FAM219A: variants seen among roughly 807,000 people sequenced by gnomAD.
FAM219A encodes the protein protein FAM219A.
A neutral mutation model predicts 23.4 loss-of-function variants in FAM219A; 7 were observed. The ratio of observed to expected loss-of-function variants is 0.30; its 90% confidence interval spans 0.17 to 0.56. The LOEUF is 0.56. FAM219A is among the 20% of genes least tolerant of loss of function. The pLI is 0.92. For synonymous variants in FAM219A, 93 were observed against 99.0 expected (o/e 0.94, Z 0.36); for missense variants, 166 against 246.9 (o/e 0.67, Z 2.20).
intron 1 of FAM219A, among the ~76,000 whole-genome samples, chr9:34,451,230 G>A (rs1310561437): frequency 6.6e-6 from 1 of 152,140 alleles, no homozygotes; most frequent in Non-Finnish European, 1.5e-5. Flanking sequence ...CCCACAGTGA[G>A]GCCTGTGGAT....
Position 34,422,493 on chromosome 9 carries a change from G to T in FAM219A, c.61-16529C>A, listed in dbSNP as rs147444369. On this transcript the variant is annotated intron_variant, in intron 1 of 5. Coordinates refer to ENST00000651358, the MANE Select transcript of FAM219A (RefSeq NM_001184940.2). ...CCAGAACTTACACCTCTGTGGGACTGTTGTCTTGCAAAGCAGTCACTTGGA... is the reference window on the plus strand; with the variant it reads ...CCAGAACTTACACCTCTGTGGGACTTTTGTCTTGCAAAGCAGTCACTTGGA... 3.2e-3 allele frequency among the ~76,000 whole-genome samples: 487 copies of T among 152,308 alleles called. 4 individuals are homozygous for T. The highest frequency in any genetic ancestry group is 0.011 in the African/African-American group (469 of 41,568).
At chr9:34,401,567 CCT>C (rs901263879) in intron 5 of FAM219A, 97 bp downstream of exon 5, 2 of 1,394,194 alleles carry the variant, frequency 1.4e-6, no homozygotes, top group Admixed American at 2.0e-5. Flanking sequence ...CTTGCCCAGC[CCT>C]CTTTTTCCTT....
chr9:34,455,104 G>A (rs1198383226), intron 1 of FAM219A, among the ~76,000 whole-genome samples: 1 of 152,208 alleles, frequency 6.6e-6, no homozygotes, highest in African/African-American at 2.4e-5. Flanking sequence ...CTGTGTCTGT[G>A]TTGCTAACCA....
At chr9:34,403,000 T>TG (rs1563997367) in intron 2 of FAM219A, among the ~76,000 whole-genome samples, 193 bp from the exon 3 acceptor site, 1 of 152,162 alleles carries the variant, frequency 6.6e-6, no homozygotes, top group Admixed American at 6.5e-5. Flanking sequence ...AGGCAGACAG[T>TG]GGGGGGCAAA....
At position 34,400,760 on chromosome 9, in the gene FAM219A, A is replaced by G. The variant is rs1007942548; in HGVS notation, c.*204T>C. On this transcript the variant is annotated 3_prime_UTR_variant, in exon 6 of 6. Coordinates refer to ENST00000651358, the MANE Select transcript of FAM219A (RefSeq NM_001184940.2). The stretch of plus-strand genomic sequence containing the variant: ...CCCTCCTCAGCTCCCGGGTGGAGAG[A>G]GACCCAGTTTTGGTTTCTCCAGCTC... 5 of 482,548 alleles carry G rather than the reference A, an allele frequency of 1.0e-5. No individual in the cohort carries two copies. 29.9% of individuals were successfully genotyped at this position (482,548 alleles called of 1,614,324 possible). A position where few individuals can be genotyped will look rare whatever the true frequency, so the allele number is the denominator to read the frequency against.
chr9:34,425,243 G>A (rs1254075031), intron 1 of FAM219A, among the ~76,000 whole-genome samples: 8 of 152,198 alleles, frequency 5.3e-5, no homozygotes, highest in African/African-American at 1.7e-4. Context: ...ACTTTGGGGG[G>A]CCAAGGCAGG....
chr9:34,407,303 A>G (rs543635191), intron 1 of FAM219A, among the ~76,000 whole-genome samples: 2 of 152,264 alleles, frequency 1.3e-5, no homozygotes, highest in African/African-American at 4.8e-5. Context: ...TTTCATTTAT[A>G]TATCAGCCTG....
chr9:34,453,677 G>A (rs1823639008), intron 1 of FAM219A, among the ~76,000 whole-genome samples: 1 of 152,218 alleles, frequency 6.6e-6, no homozygotes. Context: ...CAGCTGTGCA[G>A]AGACCCTATC....
At position 34,398,532 on chromosome 9, in the gene FAM219A, A is replaced by G; in HGVS notation, c.*2432T>C. On this transcript the variant is annotated 3_prime_UTR_variant, in exon 6 of 6. Coordinates refer to ENST00000651358, the MANE Select transcript of FAM219A (RefSeq NM_001184940.2). ...AGCTTCCTGCCTCTCTCTGCCACAC[A>G]TGCACTGCCTCAGTTGGAAGCCCTT... 1 of 680,860 alleles carries G rather than the reference A, an allele frequency of 1.5e-6. No homozygotes were observed. The highest frequency in any genetic ancestry group is 2.5e-6 in the Non-Finnish European group (1 of 403,986). The allele number at this position is 680,860 out of a possible 1,614,324, so 42.2% of individuals were successfully genotyped here. A position where few individuals can be genotyped will look rare whatever the true frequency, so the allele number is the denominator to read the frequency against.
intron 1 of FAM219A, among the ~76,000 whole-genome samples, chr9:34,449,313 A>G (rs1823482506): frequency 6.6e-6 from 1 of 152,250 alleles, no homozygotes; most frequent in African/African-American, 2.4e-5. Flanking sequence ...AAAAAACAGT[A>G]AAGTACTAAA....
rs1821304025 is a variant in FAM219A, at chr9:34,398,537, C to G, written c.*2427G>C. ...CCTGCCTCTCTCTGCCACACATGCACTGCCTCAGTTGGAAGCCCTTGCCTG... is the reference window on the plus strand; with the variant it reads ...CCTGCCTCTCTCTGCCACACATGCAGTGCCTCAGTTGGAAGCCCTTGCCTG... On this transcript the variant is annotated 3_prime_UTR_variant, in exon 6 of 6. Transcript: ENST00000651358. 1.5e-6 allele frequency: 1 copy of G among 672,182 alleles called. No homozygotes were observed. The highest frequency in any genetic ancestry group is 2.8e-5 in the Admixed American group (1 of 35,688). 41.6% of individuals were successfully genotyped at this position (672,182 alleles called of 1,614,324 possible).
intron 2 of FAM219A, among the ~76,000 whole-genome samples, chr9:34,403,985 T>C (rs997580554): frequency 6.6e-6 from 1 of 152,102 alleles, no homozygotes; most frequent in Admixed American, 6.6e-5. Flanking sequence ...CTCTAGGGGG[T>C]GCAATTTGCC....
Position 34,421,009 on chromosome 9 carries a change from T to TGTGAGAGA in FAM219A, c.61-15046_61-15045insTCTCTCAC, listed in dbSNP as rs1554677406. ...GTGTGTGTATGTGTGTGTGTGTGTG[T>TGTGAGAGA]GAGAGAGAGAGAGAGAGAGAGAGAG... On this transcript the variant is annotated intron_variant, in intron 1 of 5. Coordinates refer to ENST00000651358, the MANE Select transcript of FAM219A (RefSeq NM_001184940.2). Among the ~76,000 whole-genome samples, 339 of 86,422 alleles carry TGTGAGAGA rather than the reference T, an allele frequency of 3.9e-3. 2 individuals carry two copies. Among genetic ancestry groups the TGTGAGAGA allele is most frequent in the East Asian group, 0.032 (107 of 3,378 alleles). The allele number at this position is 86,422 out of a possible 152,430, so 56.7% of individuals were successfully genotyped here.
intron 1 of FAM219A, among the ~76,000 whole-genome samples, chr9:34,413,645 A>G (rs779403088): frequency 1.6e-4 from 24 of 152,250 alleles, no homozygotes; most frequent in Non-Finnish European, 1.8e-4. Context: ...CACAGAACAC[A>G]GAAGAATTTT....
intron 1 of FAM219A, among the ~76,000 whole-genome samples, chr9:34,415,511 A>C (rs1821969584): frequency 6.6e-6 from 1 of 152,248 alleles, no homozygotes; most frequent in Non-Finnish European, 1.5e-5. Flanking sequence ...ATACATGCTA[A>C]AATTTTAACA....
intron 2 of FAM219A, 22 bp downstream of exon 2, chr9:34,405,843 C>T (rs1272596630): frequency 6.2e-7 from 1 of 1,612,122 alleles, no homozygotes; most frequent in African/African-American, 1.3e-5. Flanking sequence ...CCACATCTCC[C>T]TCACCCCCCA....
intron 1 of FAM219A, among the ~76,000 whole-genome samples, chr9:34,434,165 G>C (rs1822818218): frequency 7.7e-6 from 1 of 129,318 alleles, no homozygotes; most frequent in Admixed American, 9.6e-5. Flanking sequence ...TCGCGCCACT[G>C]CACTCCAGCC....
rs189345241 is a variant in FAM219A, at chr9:34,422,401, T to C, written c.61-16437A>G. ...CACCTGGTAGGCAATTTGAATCTAATTTCCTCATCTCTCTTACCCCAGCCC... is the reference window on the plus strand; with the variant it reads ...CACCTGGTAGGCAATTTGAATCTAACTTCCTCATCTCTCTTACCCCAGCCC... On this transcript the variant is annotated intron_variant, in intron 1 of 5. Transcript: ENST00000651358. Among the ~76,000 whole-genome samples, 650 of 152,322 alleles carry C rather than the reference T, an allele frequency of 4.3e-3. 3 individuals are homozygous for C. The highest frequency in any genetic ancestry group is 7.8e-3 in the Non-Finnish European group (529 of 68,034).
chr9:34,431,335 C>T (rs1822691249), intron 1 of FAM219A, among the ~76,000 whole-genome samples: 1 of 152,194 alleles, frequency 6.6e-6, no homozygotes, highest in Non-Finnish European at 1.5e-5. Context: ...ATCAGCTCCT[C>T]CCCTGCCCTC....
Sources: gnomAD v4.1 joint callset for allele counts (sites outside exome capture counted in the v4.1 genomes callset) on GRCh38, gnomAD v4.1.1 for gene constraint, MANE v1.5 for transcripts, NCBI Gene and HGNC (gene_info 2026-07-23, HGNC 2026-07-21) for gene names.